SPAG16: variants seen among roughly 807,000 people sequenced by gnomAD.
SPAG16 encodes the protein sperm associated antigen 16, also known as sperm-associated antigen 16 protein.
A neutral mutation model predicts 80.4 loss-of-function variants in SPAG16; 86 were observed. The ratio of observed to expected loss-of-function variants is 1.07; its 90% CI spans 0.90 to 1.28. The LOEUF is 1.28. Among genes scored for constraint, SPAG16 ranks in the 50% most tolerant of loss-of-function variants. The pLI is 0.00. For synonymous variants in SPAG16, 294 were observed against 265.9 expected, an observed-to-expected ratio of 1.11 and a Z score of -1.03; for missense variants, 870 against 765.3, an observed-to-expected ratio of 1.14 and a Z score of -1.61.
At chr2:213,914,215 T>A (rs992784984) in intron 11 of SPAG16, among the ~76,000 whole-genome samples, 1 of 152,168 alleles carries the variant, frequency 6.6e-6, no homozygotes, top group African/African-American at 2.4e-5. Flanking sequence ...ATCTTAAAGA[T>A]ATTTATTAAT....
At chr2:213,693,628 G>A (rs2065037133) in intron 10 of SPAG16, among the ~76,000 whole-genome samples, 1 of 152,128 alleles carries the variant, frequency 6.6e-6, no homozygotes, top group Non-Finnish European at 1.5e-5. Flanking sequence ...TTTCCTTATA[G>A]AATGGAGTAT....
At chr2:213,578,509 A>G (rs546536024) in intron 10 of SPAG16, among the ~76,000 whole-genome samples, 1 of 152,288 alleles carries the variant, frequency 6.6e-6, no homozygotes, top group East Asian at 1.9e-4. Flanking sequence ...AGATTATTAA[A>G]TGATGTAAGC....
intron 10 of SPAG16, among the ~76,000 whole-genome samples, chr2:213,790,477 GAAGGT>G (rs895733204): frequency 6.6e-6 from 1 of 151,858 alleles, no homozygotes; most frequent in African/African-American, 2.4e-5. Flanking sequence ...TATCTTTCAT[GAAGGT>G]TTAATGGATT....
At chr2:213,715,222 G>GTCTATCTATCTATCTA (rs1553615157) in intron 10 of SPAG16, among the ~76,000 whole-genome samples, 1,432 of 110,562 alleles carry the variant, frequency 0.013, 14 homozygotes, top group East Asian at 0.023. Flanking sequence ...AGATCTATCT[G>GTCTATCTATCTATCTA]TCTATCTATC....
At chr2:213,692,486 T>G (rs1465937500) in intron 10 of SPAG16, among the ~76,000 whole-genome samples, 1 of 152,196 alleles carries the variant, frequency 6.6e-6, no homozygotes, top group Non-Finnish European at 1.5e-5. Flanking sequence ...CTGCTTTCTG[T>G]GAAAGAGTTA....
At position 214,101,742 on chromosome 2, in the gene SPAG16, A is replaced by T. The variant is rs2053049308; in HGVS notation, c.1528-6454A>T. Reference sequence around the variant, plus strand: ...CTGCCACTTTTTATTTGTGGGTTAGATGCCACTGTTTTCATCTCTAGAATG... The same window carrying T: ...CTGCCACTTTTTATTTGTGGGTTAGTTGCCACTGTTTTCATCTCTAGAATG... On this transcript the variant is annotated intron_variant, in intron 13 of 15. Coordinates refer to ENST00000331683, the MANE Select transcript of SPAG16 (RefSeq NM_024532.5). Among the ~76,000 whole-genome samples the T allele has an allele frequency of 2.0e-5, 3 of 152,152 alleles. No individual in the cohort carries two copies. The South Asian group carries it at 6.2e-4, about 31-fold the overall frequency.
intron 13 of SPAG16, among the ~76,000 whole-genome samples, chr2:214,065,864 G>A (rs2050505349): frequency 6.6e-6 from 1 of 151,954 alleles, no homozygotes; most frequent in African/African-American, 2.4e-5. Flanking sequence ...AACTCATAAT[G>A]TTTGACTTCT....
intron 15 of SPAG16, among the ~76,000 whole-genome samples, chr2:214,194,579 C>A (rs889307039): frequency 3.3e-5 from 5 of 151,974 alleles, no homozygotes; most frequent in Non-Finnish European, 7.4e-5. Flanking sequence ...CACATTATTG[C>A]ATTAGATCTT....
rs111636596 is a variant in SPAG16 at position 214,348,964 on chromosome 2, A to AT, written c.1721-61167dup. 1.1e-3 allele frequency among the ~76,000 whole-genome samples: 170 copies of AT among 151,338 alleles called. 1 individual carries two copies. Among genetic ancestry groups the AT allele is most frequent in the Middle Eastern group, 0.01 (3 of 288 alleles). Reference sequence around the variant, plus strand: ...GCTATAAGAATATACGGTCATCTTTATTTTTTTTTACTTTTACAATTAAAT... The same window carrying AT: ...GCTATAAGAATATACGGTCATCTTTATTTTTTTTTTACTTTTACAATTAAAT... On this transcript the variant is annotated intron_variant, in intron 15 of 15. Transcript: ENST00000331683.
intron 10 of SPAG16, among the ~76,000 whole-genome samples, chr2:213,621,233 T>C (rs1192991435): frequency 6.6e-6 from 1 of 152,182 alleles, no homozygotes; most frequent in East Asian, 1.9e-4. Context: ...ATCTTTTTTG[T>C]TAGTCAATAA....
chr2:214,071,265 C>T (rs2050776955), intron 13 of SPAG16, among the ~76,000 whole-genome samples: 1 of 152,094 alleles, frequency 6.6e-6, no homozygotes, highest in Non-Finnish European at 1.5e-5. Flanking sequence ...GGGCTCAAAG[C>T]AAGGGCAGGT....
intron 15 of SPAG16, among the ~76,000 whole-genome samples, chr2:214,354,114 AC>A (rs1174304095): frequency 1.4e-5 from 1 of 70,532 alleles, no homozygotes; most frequent in African/African-American, 2.7e-5. Flanking sequence ...AAATATATAT[AC>A]CTACTATGTA....
intron 9 of SPAG16, among the ~76,000 whole-genome samples, chr2:213,413,045 T>C (rs999536357): frequency 2.6e-5 from 4 of 152,154 alleles, no homozygotes; most frequent in African/African-American, 9.6e-5. Flanking sequence ...TATTGGGTAA[T>C]GCTGTTAATT....
chr2:214,358,394 T>C (rs1698958865), intron 15 of SPAG16, among the ~76,000 whole-genome samples: 1 of 151,950 alleles, frequency 6.6e-6, no homozygotes, highest in Non-Finnish European at 1.5e-5. Flanking sequence ...GAAATTTTGC[T>C]TATTAGTTTT....
At chr2:213,996,532 A>G (rs1289856299) in intron 12 of SPAG16, among the ~76,000 whole-genome samples, 1 of 151,928 alleles carries the variant, frequency 6.6e-6, no homozygotes, top group Non-Finnish European at 1.5e-5. Context: ...TAAGATAGTA[A>G]AGTAATGAGG....
At chr2:213,975,086 A>G (rs2045296730) in intron 12 of SPAG16, among the ~76,000 whole-genome samples, 1 of 151,516 alleles carries the variant, frequency 6.6e-6, no homozygotes, top group Admixed American at 6.6e-5. Context: ...GACTTTAAAT[A>G]TAATTAATAG....
intron 13 of SPAG16, among the ~76,000 whole-genome samples, chr2:214,021,965 G>T (rs2047890924): frequency 1.3e-5 from 2 of 151,926 alleles, no homozygotes; most frequent in Admixed American, 6.6e-5. Flanking sequence ...ATCACCTAAA[G>T]AATTTGCATC....
chr2:213,480,972 G>A (rs1207676674), intron 9 of SPAG16, among the ~76,000 whole-genome samples: 1 of 152,128 alleles, frequency 6.6e-6, no homozygotes, highest in Non-Finnish European at 1.5e-5. Flanking sequence ...TAGCTGAGCT[G>A]TATTGCAATT....
chr2:213,621,744 T>G (rs1225622191), intron 10 of SPAG16, among the ~76,000 whole-genome samples: 1 of 152,040 alleles, frequency 6.6e-6, no homozygotes, highest in Admixed American at 6.5e-5. Context: ...TAAAAGAAGT[T>G]TTTGAATCTT....
Sources: allele counts gnomAD v4.1 joint callset (sites outside exome capture counted in the v4.1 genomes callset), GRCh38; gene constraint gnomAD v4.1.1; transcripts MANE v1.5; gene names NCBI Gene and HGNC (gene_info 2026-07-23, HGNC 2026-07-21).